FLNB: variants seen among roughly 807,000 people sequenced by gnomAD.
FLNB encodes filamin-B.
FLNB carries 111 observed loss-of-function variants against 250.6 expected under a neutral mutation model. That is an observed-to-expected ratio of 0.44 (90% CI 0.38 to 0.52). The LOEUF (loss-of-function observed/expected upper bound fraction) is 0.52. Ranked by LOEUF, FLNB falls within the 20% of genes least tolerant of loss-of-function variation. The pLI is 0.00. For synonymous variants in FLNB, 1,302 were observed against 1,372.1 expected, an observed-to-expected ratio of 0.95 and a Z score of 1.13; for missense variants, 2,869 against 3,447.8, an observed-to-expected ratio of 0.83 and a Z score of 4.20.
chr3:58,154,513 C>G, intron 39 of FLNB: 1 of 381,308 alleles, frequency 2.6e-6, no homozygotes, highest in South Asian at 2.3e-5. Context: ...CCACTGCACT[C>G]CAGCCTGGGC....
At chr3:58,163,675 C>A (rs999380690) in intron 43 of FLNB, 1 of 338,870 alleles carries the variant, frequency 3.0e-6, no homozygotes, top group Non-Finnish European at 5.6e-6. Flanking sequence ...TTTGCCTGCA[C>A]AGAATTCATG....
chr3:58,109,865 C>A, intron 15 of FLNB, 145 bp from the exon 16 acceptor site: 1 of 1,387,940 alleles, frequency 7.2e-7, no homozygotes, highest in East Asian at 2.3e-5. Flanking sequence ...AATCCATCAT[C>A]CCTTTCCCCA....
chr3:58,126,571 C>G, intron 23 of FLNB, 31 bp from the exon 24 acceptor site: 1 of 1,610,008 alleles, frequency 6.2e-7, no homozygotes, highest in Non-Finnish European at 8.5e-7. Flanking sequence ...ATAAATGGTG[C>G]ACATTTCACT....
At chr3:58,106,090 A>G (rs978052464) in intron 11 of FLNB, among the ~76,000 whole-genome samples, 2 of 152,110 alleles carry the variant, frequency 1.3e-5, no homozygotes, top group Non-Finnish European at 2.9e-5. Flanking sequence ...TTCATTTTCC[A>G]TAGCTTCCAT....
At chr3:58,092,859 C>G (rs761321703) in intron 4 of FLNB, among the ~76,000 whole-genome samples, 1 of 152,216 alleles carries the variant, frequency 6.6e-6, no homozygotes, top group Non-Finnish European at 1.5e-5. Flanking sequence ...TCACCAAAAT[C>G]TATGGATTTC....
At chr3:58,026,536 C>T (rs551003810) in intron 1 of FLNB, among the ~76,000 whole-genome samples, 77 of 152,262 alleles carry the variant, frequency 5.1e-4, no homozygotes, top group Non-Finnish European at 7.6e-4. Flanking sequence ...GCATCAAAGT[C>T]GCTGGGCTAG....
intron 24 of FLNB, among the ~76,000 whole-genome samples, chr3:58,127,714 A>G (rs747078302): frequency 1.1e-4 from 16 of 152,356 alleles, no homozygotes; most frequent in Non-Finnish European, 2.4e-4. Context: ...TTCAGCCTGA[A>G]CCACTGCTGT....
At chr3:58,165,703 G>A (rs1261657763) in intron 43 of FLNB, 1 of 152,236 alleles carries the variant, frequency 6.6e-6, no homozygotes, top group East Asian at 1.9e-4. Context: ...CTGGGAGATA[G>A]ACCAGGGAGC....
intron 43 of FLNB, 53 bp from the exon 44 acceptor site, chr3:58,168,387 C>T (rs2097374630): frequency 1.4e-6 from 2 of 1,420,846 alleles, no homozygotes; most frequent in East Asian, 2.3e-5. Context: ...CTCAGTGCTC[C>T]CAGGAAAGCC....
chr3:58,168,670 C>T lies in FLNB; in HGVS notation c.7417+12C>T, dbSNP rs1432173991. 3 of 1,588,104 alleles carry T rather than the reference C, an allele frequency of 1.9e-6. No homozygotes were observed. The Admixed American group carries it at 5.0e-5, about 26-fold the overall frequency. On this transcript the variant is annotated intron_variant, in intron 44 of 45. Coordinates refer to ENST00000295956, the MANE Select transcript of FLNB (RefSeq NM_001457.4). ...GGCCAAGGTGACAGGTAACGAACAA[C>T]CACCTTCGGAGTTACTCTCCCTTCC...
At position 58,109,630 on chromosome 3, in the gene FLNB, G is replaced by A. The variant is rs1450719908; in HGVS notation, c.2254G>A (p.Val752Met). Residue 752 changes from valine to methionine, a missense_variant, in exon 15 of 46, where the codon GTG becomes ATG. Physicochemically the swap from Val to Met is conservative, Grantham distance 21. Around this residue, in one of 5 missense-constraint regions of FLNB, gnomAD observed 1,348 missense variants for 1,466.7 expected, o/e 0.92. Transcript: ENST00000295956. ...GAAGGTCAAAGTGTTTGGGCCAGGT[G>A]TGGAGAGAAGTGGTCTGAAGGCAAA... is the stretch of plus-strand genomic sequence containing the variant. Reference protein sequence around the residue: ...PQKVKVFGPGVERSGLKANEP... With the variant: ...PQKVKVFGPGMERSGLKANEP... 11 of 1,614,216 alleles carry A rather than the reference G, an allele frequency of 6.8e-6. No individual in the cohort carries two copies. In the East Asian group the frequency reaches 2.2e-4, roughly 33 times the overall value.
At chr3:58,170,233 T>C (rs1200335662) in intron 45 of FLNB, among the ~76,000 whole-genome samples, 4 of 152,228 alleles carry the variant, frequency 2.6e-5, no homozygotes, top group African/African-American at 4.8e-5. Flanking sequence ...ACACTTAGAA[T>C]AGCCCTTACT....
intron 34 of FLNB, 115 bp from the exon 35 acceptor site, chr3:58,148,091 A>C: frequency 9.4e-7 from 1 of 1,060,966 alleles, no homozygotes; most frequent in Non-Finnish European, 1.4e-6. Context: ...TTTTTCACTT[A>C]ACTTTGTGTA....
intron 20 of FLNB, among the ~76,000 whole-genome samples, chr3:58,122,168 CAAA>C (rs546747097): frequency 3.0e-5 from 2 of 65,876 alleles, no homozygotes; most frequent in Admixed American, 1.7e-4. Context: ...GACTCCGTCT[CAAA>C]AAAAAAAAAA....
At chr3:58,082,262 C>G (rs533607202) in intron 4 of FLNB, among the ~76,000 whole-genome samples, 6 of 152,296 alleles carry the variant, frequency 3.9e-5, no homozygotes, top group Non-Finnish European at 8.8e-5. Flanking sequence ...CTGCGGAACA[C>G]CGTTTTGCTC....
chr3:58,087,678 C>A (rs1156504674), intron 4 of FLNB, among the ~76,000 whole-genome samples: 1 of 151,972 alleles, frequency 6.6e-6, no homozygotes, highest in Non-Finnish European at 1.5e-5. Context: ...TCTTGAACTC[C>A]TGACCTCGTG....
chr3:58,170,045 A>G (rs1178173241), intron 45 of FLNB, among the ~76,000 whole-genome samples: 1 of 152,192 alleles, frequency 6.6e-6, no homozygotes, highest in Non-Finnish European at 1.5e-5. Context: ...GGCATCCAGT[A>G]CACCTGGGCT....
chr3:58,138,010 A>G (rs565800135), intron 28 of FLNB, among the ~76,000 whole-genome samples: 48 of 152,284 alleles, frequency 3.2e-4, no homozygotes, highest in African/African-American at 1.2e-3. Flanking sequence ...TTGAAAGTCA[A>G]CCTTCATTGC....
chr3:58,087,728 G>C (rs1372779393), intron 4 of FLNB, among the ~76,000 whole-genome samples: 1 of 151,724 alleles, frequency 6.6e-6, no homozygotes, highest in African/African-American at 2.4e-5. Flanking sequence ...GGGATTACAG[G>C]TGTGAGCCAC....
Sources: gnomAD v4.1 joint callset for allele counts (sites outside exome capture counted in the v4.1 genomes callset) on GRCh38, gnomAD v4.1.1 for gene constraint, gnomAD v4.1.1 regional missense constraint, MANE v1.5 for transcripts, NCBI Gene and HGNC (gene_info 2026-07-23, HGNC 2026-07-21) for gene names.